CHD9: variants seen among roughly 807,000 people sequenced by gnomAD.
CHD9 encodes ATP-dependent chromatin remodeler CHD9.
In CHD9, 77 loss-of-function variants were observed where a neutral mutation model predicts 316.1. The observed-to-expected ratio is 0.24, with a 90% CI of 0.20 to 0.29. CHD9 has a LOEUF of 0.29. Ranked by LOEUF, CHD9 falls within the 10% of genes least tolerant of loss-of-function variation. CHD9 has a pLI of 1.00. For missense variants in CHD9, 2,763 were observed against 3,438.1 expected (o/e 0.80, Z 4.91); for synonymous variants, 1,129 against 1,158.3 (o/e 0.97, Z 0.51).
intron 3 of CHD9, among the ~76,000 whole-genome samples, chr16:53,217,747 G>T (rs2046879837): frequency 6.6e-6 from 1 of 151,782 alleles, no homozygotes. Context: ...TCTCTCTCTA[G>T]ATAGATAGAT....
chr16:53,198,390 G>A lies in CHD9; in HGVS notation c.1453-11092G>A, dbSNP rs372727440. On this transcript the variant is annotated intron_variant, in intron 2 of 38. Coordinates refer to ENST00000447540, the MANE Select transcript of CHD9 (RefSeq NM_001308319.2). ...CTAGAGTACAGTGGCGTAGTGGTGCGATCTTGGCTCACTGCAACCTCCGCC... is the reference window on the plus strand; with the variant it reads ...CTAGAGTACAGTGGCGTAGTGGTGCAATCTTGGCTCACTGCAACCTCCGCC... Among the ~76,000 whole-genome samples, 5 of 149,136 alleles carry A rather than the reference G, an allele frequency of 3.4e-5. No individual in the cohort carries two copies. In the South Asian group the frequency reaches 6.3e-4, roughly 19 times the overall value.
At chr16:53,102,758 A>G (rs2036994426) in intron 1 of CHD9, among the ~76,000 whole-genome samples, 1 of 151,958 alleles carries the variant, frequency 6.6e-6, no homozygotes, top group Admixed American at 6.6e-5. Context: ...GCTGAGGCAG[A>G]CGGATTGCTT....
rs1340904788 is a variant in CHD9 at position 53,304,398 on chromosome 16, G to C, written c.6392G>C (p.Ser2131Thr). Residue 2131 changes from serine (S) to threonine (T), a missense_variant, in exon 31 of 39, where the codon AGT becomes ACT. This residue lies in a region of CHD9 where 663 missense variants were observed against 751.2 expected (regional missense o/e 0.88). Coordinates refer to ENST00000447540, the MANE Select transcript of CHD9 (RefSeq NM_001308319.2). ...GTCCACAAAAGGGGATCAGAATCTA[G>C]TTCTGATTCTGACTCAGATTCTGAG... ...PRVHKRGSESSSDSDSDSERS... is the reference protein window; with the variant it reads ...PRVHKRGSESTSDSDSDSERS... The C allele has an allele frequency of 4.3e-6, 7 of 1,610,746 alleles. No homozygotes were observed. The Admixed American group carries it at 1.0e-4, about 23-fold the overall frequency.
chr16:53,056,257 C>T (rs1253669333), intron 1 of CHD9, among the ~76,000 whole-genome samples: 1 of 152,210 alleles, frequency 6.6e-6, no homozygotes, highest in Non-Finnish European at 1.5e-5. Flanking sequence ...ATAGGCAGCC[C>T]TTCCTTTGTG....
intron 7 of CHD9, 141 bp from the exon 8 acceptor site, chr16:53,228,842 C>T (rs2047909762): frequency 2.0e-6 from 1 of 495,688 alleles, no homozygotes; most frequent in African/African-American, 1.9e-5. Flanking sequence ...TAGAAATGAT[C>T]GTAATTCTAT....
At chr16:53,200,304 G>C (rs1432544662) in intron 2 of CHD9, among the ~76,000 whole-genome samples, 1 of 151,092 alleles carries the variant, frequency 6.6e-6, no homozygotes, top group African/African-American at 2.4e-5. Flanking sequence ...CCAGGAGGCA[G>C]GGGTTGCAGT....
At chr16:53,166,343 A>T (rs2042267555) in intron 2 of CHD9, among the ~76,000 whole-genome samples, 1 of 152,120 alleles carries the variant, frequency 6.6e-6, no homozygotes. Flanking sequence ...ACAGAAAGTA[A>T]ATTCCAGGAG....
At chr16:53,272,720 C>T (rs889082361) in intron 22 of CHD9, among the ~76,000 whole-genome samples, 16 of 151,970 alleles carry the variant, frequency 1.1e-4, no homozygotes, top group Admixed American at 1.0e-3. Flanking sequence ...AACTTAAATA[C>T]TAAATACTTA....
intron 2 of CHD9, among the ~76,000 whole-genome samples, chr16:53,172,169 T>C (rs962567677): frequency 1.4e-4 from 22 of 152,132 alleles, no homozygotes; most frequent in Non-Finnish European, 2.4e-4. Context: ...AAGTTCCCTA[T>C]TGCCTCTTTG....
Position 53,229,073 on chromosome 16 carries a change from A to C in CHD9, c.2259A>C (p.Gln753His). Residue 753 changes from glutamine (Q) to histidine (H), a missense_variant, in exon 8 of 39, where the codon CAA (glutamine) becomes CAC (histidine). By Grantham distance (24) the Gln-to-His change is conservative. Transcript: ENST00000447540. ...QQKIKRFKLR[Q>H]AQRAHFFADM... ...AAATCAAACGATTCAAATTGAGACA[A>C]GCACAAAGAGCACATTTTTTTGCAG... 6.3e-7 allele frequency: 1 copy of C among 1,584,078 alleles called. No individual in the cohort carries two copies. The highest frequency in any genetic ancestry group is 8.6e-7 in the Non-Finnish European group (1 of 1,163,838).
intron 8 of CHD9, among the ~76,000 whole-genome samples, chr16:53,230,361 G>A (rs1045049649): frequency 8.6e-5 from 13 of 152,046 alleles, no homozygotes; most frequent in African/African-American, 1.9e-4. Flanking sequence ...GGCTCATGCC[G>A]GAAATCCCAA....
At chr16:53,193,321 C>T (rs2044626635) in intron 2 of CHD9, among the ~76,000 whole-genome samples, 1 of 151,880 alleles carries the variant, frequency 6.6e-6, no homozygotes, top group African/African-American at 2.4e-5. Context: ...TGGTGGCGGG[C>T]CCCTGTAGTC....
At chr16:53,137,412 T>G (rs934530268) in intron 1 of CHD9, among the ~76,000 whole-genome samples, 2 of 152,192 alleles carry the variant, frequency 1.3e-5, no homozygotes, top group African/African-American at 4.8e-5. Context: ...GGTGCACATG[T>G]GCCCACGTTT....
At chr16:53,221,121 A>C (rs1252636032) in intron 3 of CHD9, among the ~76,000 whole-genome samples, 1 of 152,224 alleles carries the variant, frequency 6.6e-6, no homozygotes, top group Non-Finnish European at 1.5e-5. Flanking sequence ...TGCTTGGCAT[A>C]GAATAATTAG....
intron 29 of CHD9, 129 bp downstream of exon 29, chr16:53,293,181 GTGC>G: frequency 1.1e-5 from 8 of 716,626 alleles, no homozygotes; most frequent in Non-Finnish European, 1.9e-5. Context: ...AAACTGCTTT[GTGC>G]ACATACACAC....
chr16:53,210,435 A>G (rs1270765368), intron 3 of CHD9, among the ~76,000 whole-genome samples: 2 of 152,174 alleles, frequency 1.3e-5, no homozygotes, highest in Non-Finnish European at 2.9e-5. Context: ...TTATAAGGAC[A>G]AAGAATTGCT....
chr16:53,059,838 G>A (rs995136516), intron 1 of CHD9, among the ~76,000 whole-genome samples: 4 of 152,216 alleles, frequency 2.6e-5, no homozygotes, highest in Non-Finnish European at 4.4e-5. Context: ...AACTTTAAGC[G>A]AAATGACGTA....
chr16:53,098,175 A>G (rs1022040254), intron 1 of CHD9, among the ~76,000 whole-genome samples: 4 of 151,532 alleles, frequency 2.6e-5, no homozygotes, highest in Admixed American at 2.6e-4. Flanking sequence ...TCTGTAAACC[A>G]GTAGAAAAGC....
intron 13 of CHD9, among the ~76,000 whole-genome samples, chr16:53,243,474 C>A (rs948623397): frequency 6.6e-6 from 1 of 152,146 alleles, no homozygotes; most frequent in South Asian, 2.1e-4. Context: ...CCACCATGCC[C>A]AGCTAATTTT....
Sources: allele counts gnomAD v4.1 joint callset (sites outside exome capture counted in the v4.1 genomes callset), GRCh38; gene constraint gnomAD v4.1.1; regional missense constraint gnomAD v4.1.1; transcripts MANE v1.5; gene names NCBI Gene and HGNC (gene_info 2026-07-23, HGNC 2026-07-21).